Variants in SPOCK3 observed in about 807,000 individuals in gnomAD.
SPOCK3 encodes the protein testican-3.
In SPOCK3, 30 loss-of-function variants were observed where a neutral mutation model predicts 56.6. The ratio of observed to expected loss-of-function variants is 0.53; its 90% CI spans 0.40 to 0.72. SPOCK3 has a LOEUF of 0.72. Ranked by LOEUF, SPOCK3 falls within the 30% of genes least tolerant of loss-of-function variation. The pLI is 0.00. For synonymous variants in SPOCK3, 196 were observed against 183.3 expected (o/e 1.07, Z -0.56); for missense variants, 527 against 530.0 (o/e 0.99, Z 0.06).
At position 167,234,194 on chromosome 4, in the gene SPOCK3, G is replaced by T. The variant is rs369674462; in HGVS notation, c.1-21C>A. ...AGCATCTGGGAGAGGAGACACAACG[G>T]GGGGTGGGGGGGCATGTCAGTGTCA... On this transcript the variant is annotated intron_variant, in intron 1 of 10. Coordinates refer to ENST00000357545, the MANE Select transcript of SPOCK3 (RefSeq NM_001040159.2). 499 of 1,611,274 alleles carry T rather than the reference G, an allele frequency of 3.1e-4. 1 individual carries two copies. The highest frequency in any genetic ancestry group is 4.0e-4 in the Non-Finnish European group (473 of 1,178,634).
intron 6 of SPOCK3, among the ~76,000 whole-genome samples, chr4:166,797,723 A>G (rs1015886441): frequency 3.3e-5 from 5 of 152,200 alleles, no homozygotes; most frequent in African/African-American, 9.6e-5. Flanking sequence ...ATGTATATTA[A>G]CAATAATAAA....
At chr4:166,783,026 A>T (rs1740340931) in intron 7 of SPOCK3, among the ~76,000 whole-genome samples, 1 of 152,182 alleles carries the variant, frequency 6.6e-6, no homozygotes, top group African/African-American at 2.4e-5. Flanking sequence ...TTTGCTAAAA[A>T]TAGGTCTGTT....
chr4:166,840,771 G>GTTTTTTTTT (rs70955697), intron 6 of SPOCK3, among the ~76,000 whole-genome samples: 914 of 68,166 alleles, frequency 0.013, 110 homozygotes, highest in Non-Finnish European at 0.019. Flanking sequence ...AGAAGCAAAA[G>GTTTTTTTTT]TTTTTTTTTT....
intron 2 of SPOCK3, among the ~76,000 whole-genome samples, chr4:167,222,987 A>G (rs1437268262): frequency 7.9e-6 from 1 of 126,346 alleles, no homozygotes; most frequent in Non-Finnish European, 1.6e-5. Flanking sequence ...TATATATTAT[A>G]TTTTATATAT....
intron 2 of SPOCK3, among the ~76,000 whole-genome samples, chr4:167,225,644 G>A (rs28421218): frequency 0.016 from 2,360 of 152,118 alleles, 58 homozygotes; most frequent in African/African-American, 0.054. Context: ...TCTGTAGCAA[G>A]TATGAAGATG....
In SPOCK3 at chr4:167,140,058, T is replaced by C. The variant is rs1017184305; in HGVS notation, c.190-77521A>G. ...CTGCAGTAGAAGTTGTCATACAGAA[T>C]GGCAGAATGTAGACGTTCAAAGAAT... On this transcript the variant is annotated intron_variant, in intron 2 of 10. Transcript: ENST00000357545. Among the ~76,000 whole-genome samples, 117 of 152,190 alleles carry C rather than the reference T, an allele frequency of 7.7e-4. 1 individual carries two copies. The highest frequency in any genetic ancestry group is 5.9e-4 in the Non-Finnish European group (40 of 67,976).
chr4:166,931,082 A>G (rs564419377), intron 4 of SPOCK3, among the ~76,000 whole-genome samples: 18 of 152,246 alleles, frequency 1.2e-4, no homozygotes, highest in African/African-American at 3.6e-4. Flanking sequence ...ACCAGGTTCA[A>G]GCAATTCTCC....
At chr4:167,036,593 T>C (rs1752778166) in intron 3 of SPOCK3, among the ~76,000 whole-genome samples, 1 of 152,226 alleles carries the variant, frequency 6.6e-6, no homozygotes, top group Admixed American at 6.5e-5. Context: ...CTTTAAGATA[T>C]GGTGTATTTT....
At chr4:166,955,663 AATAT>A (rs934421404) in intron 4 of SPOCK3, among the ~76,000 whole-genome samples, 5 of 146,986 alleles carry the variant, frequency 3.4e-5, no homozygotes, top group African/African-American at 9.8e-5. Flanking sequence ...TATAAATTAT[AATAT>A]ATAGAGAAAT....
intron 2 of SPOCK3, among the ~76,000 whole-genome samples, chr4:167,104,844 GA>G (rs533487671): frequency 0.016 from 2,015 of 126,344 alleles, 19 homozygotes; most frequent in Non-Finnish European, 0.021. Flanking sequence ...CAAGCAAAAA[GA>G]AAAAAAAAAA....
intron 2 of SPOCK3, among the ~76,000 whole-genome samples, chr4:167,081,342 T>G (rs973333950): frequency 1.3e-5 from 2 of 151,996 alleles, no homozygotes; most frequent in Non-Finnish European, 2.9e-5. Flanking sequence ...TTTAACACAC[T>G]TTCAGTAAAT....
chr4:167,056,027 C>T (rs1754798390), intron 3 of SPOCK3, among the ~76,000 whole-genome samples: 1 of 152,148 alleles, frequency 6.6e-6, no homozygotes, highest in Admixed American at 6.5e-5. Flanking sequence ...AGCAGACCCC[C>T]AAGCAGCCAA....
At chr4:167,218,533 A>T (rs1260360981) in intron 2 of SPOCK3, among the ~76,000 whole-genome samples, 1 of 152,162 alleles carries the variant, frequency 6.6e-6, no homozygotes, top group Non-Finnish European at 1.5e-5. Context: ...AGATGTCCAG[A>T]TCTCATTCAC....
chr4:167,046,641 A>G (rs559444897), intron 3 of SPOCK3, among the ~76,000 whole-genome samples: 10 of 151,298 alleles, frequency 6.6e-5, no homozygotes, highest in African/African-American at 2.4e-4. Flanking sequence ...GTTTTTTAGT[A>G]GAGATGAAGT....
intron 3 of SPOCK3, among the ~76,000 whole-genome samples, chr4:167,038,172 G>A (rs954214665): frequency 1.3e-5 from 2 of 152,036 alleles, no homozygotes; most frequent in Admixed American, 6.5e-5. Context: ...AATCCCCTCT[G>A]CTCCTGTCTC....
intron 4 of SPOCK3, among the ~76,000 whole-genome samples, chr4:166,947,823 T>A (rs1287545885): frequency 6.6e-6 from 1 of 152,228 alleles, no homozygotes; most frequent in Non-Finnish European, 1.5e-5. Context: ...ATAAGGGTAA[T>A]TAGCATGTCC....
At chr4:167,146,382 G>C (rs1365654892) in intron 2 of SPOCK3, among the ~76,000 whole-genome samples, 1 of 152,086 alleles carries the variant, frequency 6.6e-6, no homozygotes, top group Non-Finnish European at 1.5e-5. Flanking sequence ...ACGCCTCACT[G>C]TCAATATTAG....
chr4:167,233,904 C>T, intron 2 of SPOCK3, 81 bp downstream of exon 2: 1 of 1,260,578 alleles, frequency 7.9e-7, no homozygotes, highest in East Asian at 2.3e-5. Context: ...GAGCCCACTC[C>T]CCACCCACAT....
chr4:166,961,261 A>AC (rs1554010246), intron 4 of SPOCK3, among the ~76,000 whole-genome samples: 13 of 151,606 alleles, frequency 8.6e-5, no homozygotes, highest in African/African-American at 2.4e-4. Flanking sequence ...AAAAAAAAAA[A>AC]CTGCAAAATT....
Sources: allele counts gnomAD v4.1 joint callset (sites outside exome capture counted in the v4.1 genomes callset), GRCh38; gene constraint gnomAD v4.1.1; transcripts MANE v1.5; gene names NCBI Gene and HGNC (gene_info 2026-07-23, HGNC 2026-07-21).